Variants in FRS2 observed in about 807,000 individuals in gnomAD.
FRS2 encodes the protein FGFR signalling adaptor.
Under a neutral mutation model 43.9 loss-of-function variants are expected in FRS2, and 8 were observed. The ratio of observed to expected loss-of-function variants is 0.18; its 90% confidence interval spans 0.11 to 0.33. FRS2 has a LOEUF of 0.33. Among genes scored for constraint, FRS2 ranks in the 10% least tolerant of loss-of-function variants. FRS2 has a pLI of 1.00. For missense variants in FRS2, 534 were observed against 627.6 expected, an observed-to-expected ratio of 0.85 and a Z score of 1.59; for synonymous variants, 219 against 220.3, an observed-to-expected ratio of 0.99 and a Z score of 0.05.
chr12:69,569,141 T>C (rs1323824112), intron 5 of FRS2, 45 bp downstream of exon 5: 10 of 1,125,556 alleles, frequency 8.9e-6, no homozygotes, highest in Non-Finnish European at 1.3e-5. Flanking sequence ...CCTAGTTGGG[T>C]GTTCTTCTTT....
intron 1 of FRS2, among the ~76,000 whole-genome samples, chr12:69,484,095 C>CTTTTTTTTTTTT (rs368221087): frequency 0.077 from 11,419 of 148,222 alleles, 601 homozygotes; most frequent in Non-Finnish European, 0.12. Flanking sequence ...GCTTTTCTTT[C>CTTTTTTTTTTTT]TTTTTTTTTG....
chr12:69,566,686 T>G (rs78528111), intron 4 of FRS2, among the ~76,000 whole-genome samples: 2,866 of 152,104 alleles, frequency 0.019, 96 homozygotes, highest in African/African-American at 0.064. Context: ...AAGACAAGAT[T>G]TCCTGTCTTT....
chr12:69,506,207 A>G (rs945044067), intron 1 of FRS2, among the ~76,000 whole-genome samples: 1 of 152,108 alleles, frequency 6.6e-6, no homozygotes, highest in African/African-American at 2.4e-5. Context: ...TTGTTTCAAA[A>G]TTTAGTTTAT....
intron 1 of FRS2, among the ~76,000 whole-genome samples, chr12:69,517,001 A>C (rs1316264106): frequency 6.6e-6 from 1 of 152,214 alleles, no homozygotes; most frequent in Non-Finnish European, 1.5e-5. Context: ...TTGAGCACCA[A>C]CATGATGCTA....
At chr12:69,477,994 G>T (rs1001938018) in intron 1 of FRS2, among the ~76,000 whole-genome samples, 5 of 151,792 alleles carry the variant, frequency 3.3e-5, no homozygotes, top group Non-Finnish European at 7.4e-5. Context: ...GCCCACCTCG[G>T]CCTCCCAAAG....
At chr12:69,498,541 G>GTGTGTGTGTGTGTGTGTA (rs1873126620) in intron 1 of FRS2, among the ~76,000 whole-genome samples, 2 of 151,846 alleles carry the variant, frequency 1.3e-5, no homozygotes, top group African/African-American at 4.8e-5. Flanking sequence ...GTGTGTGTGT[G>GTGTGTGTGTGTGTGTGTA]TGTGTGTGTG....
chr12:69,500,202 A>G (rs912125926), intron 1 of FRS2, among the ~76,000 whole-genome samples: 3 of 152,152 alleles, frequency 2.0e-5, no homozygotes, highest in Non-Finnish European at 4.4e-5. Flanking sequence ...CTGAGCCTAA[A>G]TCTGCCCAGT....
chr12:69,565,382 CTG>C (rs986555430), intron 4 of FRS2, among the ~76,000 whole-genome samples: 2 of 152,314 alleles, frequency 1.3e-5, no homozygotes, highest in Admixed American at 1.3e-4. Flanking sequence ...CTTTATAAAA[CTG>C]TACTCTTAGG....
At chr12:69,541,800 G>A (rs1041041428) in intron 3 of FRS2, among the ~76,000 whole-genome samples, 1 of 143,874 alleles carries the variant, frequency 7.0e-6, no homozygotes, top group South Asian at 2.3e-4. Flanking sequence ...ACTCCAACCT[G>A]GGCGACAGGG....
rs557960408 is a variant in FRS2 at position 69,527,815 on chromosome 12, C to T, written c.-260-3050C>T. On this transcript the variant is annotated intron_variant, in intron 1 of 8. Coordinates refer to ENST00000549921, the MANE Select transcript of FRS2 (RefSeq NM_001278356.2). ...GATTTCTAAATGAGTGGGAGCATTT[C>T]GGTACAAAAATATTCAAGGGTTCTC... 4.6e-5 allele frequency among the ~76,000 whole-genome samples: 7 copies of T among 152,254 alleles called. No individual in the cohort carries two copies. In the South Asian group the frequency reaches 1.5e-3, roughly 32 times the overall value.
At chr12:69,516,221 AT>A (rs58461725) in intron 1 of FRS2, among the ~76,000 whole-genome samples, 17,491 of 142,954 alleles carry the variant, frequency 0.12, 1,015 homozygotes, top group Non-Finnish European at 0.15. Flanking sequence ...TATTATTACT[AT>A]TTTTTTTTTT....
intron 1 of FRS2, among the ~76,000 whole-genome samples, chr12:69,479,036 C>G (rs1308012025): frequency 6.6e-6 from 1 of 151,664 alleles, no homozygotes; most frequent in African/African-American, 2.4e-5. Flanking sequence ...TGACCTCCAA[C>G]AAATGAGATA....
intron 1 of FRS2, among the ~76,000 whole-genome samples, chr12:69,500,239 G>T (rs1336500868): frequency 6.6e-6 from 1 of 152,020 alleles, no homozygotes; most frequent in Admixed American, 6.6e-5. Flanking sequence ...AACAACAAAC[G>T]ACATGAAGAT....
intron 3 of FRS2, among the ~76,000 whole-genome samples, chr12:69,554,497 G>A (rs767491018): frequency 6.6e-6 from 1 of 152,156 alleles, no homozygotes; most frequent in Non-Finnish European, 1.5e-5. Context: ...ATGTTAAGTT[G>A]CAAAGATAGT....
chr12:69,502,974 G>A (rs1873594745), intron 1 of FRS2, among the ~76,000 whole-genome samples: 1 of 152,092 alleles, frequency 6.6e-6, no homozygotes, highest in Non-Finnish European at 1.5e-5. Flanking sequence ...AAATTCAGTG[G>A]CACCCACAGT....
intron 1 of FRS2, among the ~76,000 whole-genome samples, chr12:69,509,553 C>G (rs912426147): frequency 2.9e-4 from 44 of 152,150 alleles, no homozygotes; most frequent in Non-Finnish European, 1.2e-4. Context: ...ACTTTTTCAT[C>G]ATCTCCAGCT....
intron 3 of FRS2, among the ~76,000 whole-genome samples, chr12:69,549,437 A>G (rs200935934): frequency 3.6e-5 from 1 of 27,608 alleles, no homozygotes; most frequent in Non-Finnish European, 6.0e-5. Flanking sequence ...ATTTCAATTG[A>G]AAAAAAAGCT....
In FRS2 at chr12:69,571,486, A is replaced by C. The variant is rs567805480; in HGVS notation, c.412+52A>C. 6.1e-5 allele frequency: 83 copies of C among 1,369,308 alleles called. No individual in the cohort carries two copies. The Admixed American group carries it at 1.5e-3, about 25-fold the overall frequency. The allele number at this position is 1,369,308 out of a possible 1,614,324, so 84.8% of individuals were successfully genotyped here. ...TTTGAATAACAGACGTTTAGTTGTA[A>C]GCTATAGATTGTGGGTATTTAATCA... On this transcript the variant is annotated intron_variant, in intron 7 of 8. Coordinates refer to ENST00000549921, the MANE Select transcript of FRS2 (RefSeq NM_001278356.2).
chr12:69,563,291 A>T (rs1880015804), intron 4 of FRS2, among the ~76,000 whole-genome samples: 1 of 152,062 alleles, frequency 6.6e-6, no homozygotes, highest in Non-Finnish European at 1.5e-5. Flanking sequence ...GTGGATGAAA[A>T]CTTCACATTA....
Sources: gnomAD v4.1 joint callset for allele counts (sites outside exome capture counted in the v4.1 genomes callset) on GRCh38, gnomAD v4.1.1 for gene constraint, MANE v1.5 for transcripts, NCBI Gene and HGNC (gene_info 2026-07-23, HGNC 2026-07-21) for gene names.